The following AP1S3 variants were observed in gnomAD, a reference collection of about 807,000 sequenced individuals.
AP1S3 encodes AP-1 complex subunit sigma-3.
In AP1S3, 10 loss-of-function variants were observed where a neutral mutation model predicts 20.9. The observed-to-expected ratio is 0.48, with a 90% CI of 0.29 to 0.81. The LOEUF is 0.81. Ranked by LOEUF, AP1S3 falls within the 30% of genes least tolerant of loss-of-function variation. The pLI is 0.08. For synonymous variants in AP1S3, 41 were observed against 61.5 expected (o/e 0.67, Z 1.56); for missense variants, 154 against 183.8 (o/e 0.84, Z 0.94).
intron 1 of AP1S3, among the ~76,000 whole-genome samples, chr2:223,798,402 C>T (rs972759472): frequency 6.6e-6 from 1 of 152,022 alleles, no homozygotes; most frequent in Non-Finnish European, 1.5e-5. Flanking sequence ...CTAGGAAGAA[C>T]AGGATAAGAG....
At chr2:223,804,784 T>A (rs574141369) in intron 1 of AP1S3, among the ~76,000 whole-genome samples, 3 of 150,920 alleles carry the variant, frequency 2.0e-5, no homozygotes, top group Non-Finnish European at 2.9e-5. Context: ...GGCAGGAGAG[T>A]GTTTTTAGTA....
Position 223,780,906 on chromosome 2 carries a change from G to A in AP1S3, c.4-3037C>T, listed in dbSNP as rs1349174597. Among the ~76,000 whole-genome samples the A allele has an allele frequency of 2.6e-5, 4 of 151,774 alleles. No homozygotes were observed. The Admixed American group carries it at 2.6e-4, about 10-fold the overall frequency. On this transcript the variant is annotated intron_variant, in intron 1 of 4. Transcript: ENST00000396654. ...ACCTGTCAATCAGGCACTGAGTATA[G>A]TACTTAAGTTAGTTTCTCAGCCCTT... is the stretch of plus-strand genomic sequence containing the variant.
intron 3 of AP1S3, among the ~76,000 whole-genome samples, chr2:223,771,087 C>T (rs1231343636): frequency 6.6e-6 from 1 of 151,960 alleles, no homozygotes; most frequent in South Asian, 2.1e-4. Flanking sequence ...GTAATCCCAG[C>T]ACTTTGGGGG....
chr2:223,804,340 C>T (rs530659087), intron 1 of AP1S3, among the ~76,000 whole-genome samples: 2 of 152,238 alleles, frequency 1.3e-5, no homozygotes, highest in South Asian at 2.1e-4. Flanking sequence ...ACTTGCTTTG[C>T]CAATGCCAGA....
chr2:223,757,700 A>G lies in AP1S3; in HGVS notation c.*1015T>C, dbSNP rs1444260696. On this transcript the variant is annotated 3_prime_UTR_variant, in exon 5 of 5. Transcript: ENST00000396654. ...CTTACAGTAATAATGGTCAGCAGCA[A>G]ATCTTTTCTTTGGGGAGGAAAGGGT... 2.0e-6 allele frequency: 2 copies of G among 985,314 alleles called. No individual in the cohort carries two copies. The highest frequency in any genetic ancestry group is 3.5e-5 in the African/African-American group (2 of 57,232). The allele number at this position is 985,314 out of a possible 1,614,324, so 61.0% of individuals were successfully genotyped here.
At chr2:223,768,334 T>A (rs1001322856) in intron 3 of AP1S3, among the ~76,000 whole-genome samples, 1 of 152,184 alleles carries the variant, frequency 6.6e-6, no homozygotes, top group Non-Finnish European at 1.5e-5. Flanking sequence ...AAGTCAGGCA[T>A]GTGGCGATTC....
At chr2:223,767,198 A>G (rs1180812768) in intron 3 of AP1S3, among the ~76,000 whole-genome samples, 1 of 151,856 alleles carries the variant, frequency 6.6e-6, no homozygotes, top group Non-Finnish European at 1.5e-5. Context: ...AAAAGGGAGG[A>G]GAAAAAAAAA....
chr2:223,804,329 C>T (rs1028878579), intron 1 of AP1S3, among the ~76,000 whole-genome samples: 4 of 152,182 alleles, frequency 2.6e-5, no homozygotes, highest in Admixed American at 1.3e-4. Context: ...CAAGTAAGCA[C>T]ACTTGCTTTG....
At chr2:223,814,756 A>G (rs1024427916) in intron 1 of AP1S3, among the ~76,000 whole-genome samples, 1 of 152,204 alleles carries the variant, frequency 6.6e-6, no homozygotes, top group African/African-American at 2.4e-5. Flanking sequence ...GCTGACAATA[A>G]GAACTAAGAC....
At chr2:223,801,610 A>G (rs1691467124) in intron 1 of AP1S3, among the ~76,000 whole-genome samples, 1 of 152,014 alleles carries the variant, frequency 6.6e-6, no homozygotes, top group Non-Finnish European at 1.5e-5. Flanking sequence ...AAGCCTGGCT[A>G]ATTTTTGTAT....
At chr2:223,807,438 G>A (rs1260037355) in intron 1 of AP1S3, among the ~76,000 whole-genome samples, 1 of 152,124 alleles carries the variant, frequency 6.6e-6, no homozygotes, top group East Asian at 1.9e-4. Context: ...CTGGGTTTGG[G>A]TTGAGAAAGA....
chr2:223,766,282 T>G (rs1233408607), intron 3 of AP1S3, among the ~76,000 whole-genome samples: 2 of 152,194 alleles, frequency 1.3e-5, no homozygotes, highest in Non-Finnish European at 2.9e-5. Context: ...GGGGTTGTTT[T>G]TTTTCTTGTA....
At position 223,758,163 on chromosome 2, in the gene AP1S3, AG is replaced by A; in HGVS notation, c.*551del. 1 of 980,492 alleles carries A rather than the reference AG, an allele frequency of 1.0e-6. No individual in the cohort carries two copies. Among genetic ancestry groups the A allele is most frequent in the East Asian group, 1.1e-4 (1 of 8,792 alleles). 60.7% of individuals were successfully genotyped at this position (980,492 alleles called of 1,614,324 possible). ...AATTCTAAAAAAAATAAATGAATTC[AG>A]CACATTAAAATCAGACATTTTGTAT... On this transcript the variant is annotated 3_prime_UTR_variant, in exon 5 of 5. Transcript: ENST00000396654.
intron 2 of AP1S3, among the ~76,000 whole-genome samples, chr2:223,776,380 C>T (rs28711800): frequency 0.25 from 37,373 of 152,070 alleles, 7,838 homozygotes; most frequent in African/African-American, 0.55. Context: ...GGAGCCCACG[C>T]TCCCCACCCT....
chr2:223,826,717 A>C (rs1293383889), intron 1 of AP1S3, among the ~76,000 whole-genome samples: 1 of 152,086 alleles, frequency 6.6e-6, no homozygotes, highest in African/African-American at 2.4e-5. Context: ...TCAGGGGCAC[A>C]ATCTCGGCTC....
intron 1 of AP1S3, among the ~76,000 whole-genome samples, chr2:223,812,124 G>C (rs904015334): frequency 3.3e-5 from 5 of 152,218 alleles, no homozygotes; most frequent in African/African-American, 4.8e-5. Flanking sequence ...CTTCTCAGAA[G>C]CCAAATATTA....
chr2:223,791,932 T>C (rs1353301903), intron 1 of AP1S3, among the ~76,000 whole-genome samples: 1 of 151,916 alleles, frequency 6.6e-6, no homozygotes. Context: ...CCATTCACAA[T>C]TGCCACAAAA....
At chr2:223,800,678 G>A (rs774882844) in intron 1 of AP1S3, among the ~76,000 whole-genome samples, 14 of 152,104 alleles carry the variant, frequency 9.2e-5, no homozygotes, top group Non-Finnish European at 1.9e-4. Context: ...GGAAGAGAGA[G>A]GAATGCCCCC....
At chr2:223,816,993 T>C (rs7591771) in intron 1 of AP1S3, among the ~76,000 whole-genome samples, 51,078 of 151,904 alleles carry the variant, frequency 0.34, 8,930 homozygotes, top group Middle Eastern at 0.43. Context: ...GGTGTGGTGA[T>C]GCATACCTGT....
Sources: gnomAD v4.1 joint callset for allele counts (sites outside exome capture counted in the v4.1 genomes callset) on GRCh38, gnomAD v4.1.1 for gene constraint, MANE v1.5 for transcripts, NCBI Gene and HGNC (gene_info 2026-07-23, HGNC 2026-07-21) for gene names.